PCDHGB3: variants seen among roughly 807,000 people sequenced by gnomAD.
The protein encoded by PCDHGB3 is protocadherin gamma subfamily B, 3, also known as protocadherin gamma-B3.
In PCDHGB3, 40 loss-of-function variants were observed where a neutral mutation model predicts 59.2. The ratio of observed to expected loss-of-function variants is 0.68; its 90% CI spans 0.52 to 0.88. The LOEUF (loss-of-function observed/expected upper bound fraction) is 0.88. PCDHGB3 is among the 40% of genes least tolerant of loss of function. The probability of loss-of-function intolerance (pLI) is 0.00; values close to 1 mark genes in which losing one functional copy is unlikely to be tolerated. For missense variants in PCDHGB3, 1,309 were observed against 1,187.9 expected, an observed-to-expected ratio of 1.10 and a Z score of -1.50; for synonymous variants, 581 against 503.6, an observed-to-expected ratio of 1.15 and a Z score of -2.06.
In PCDHGB3 at chr5:141,485,849, G is replaced by A. The variant is rs777288674; in HGVS notation, c.2416-8958G>A. ...AGGGAACCCGCCGAGATCTGGCACC[G>A]CAGAGCTCCGGGTATCCGTGCTGGA... On this transcript the variant is annotated intron_variant, in intron 1 of 3. Transcript: ENST00000576222. The surrounding 1 kb of genome is among the most constrained non-coding windows in gnomAD (Gnocchi z 5.7). 3 of 1,614,130 alleles carry A rather than the reference G, an allele frequency of 1.9e-6. No individual in the cohort carries two copies. In the South Asian group the frequency reaches 3.3e-5, roughly 18 times the overall value.
chr5:141,440,564 A>G (rs531383065), intron 1 of PCDHGB3: 1 of 152,248 alleles, frequency 6.6e-6, no homozygotes, highest in Admixed American at 6.5e-5. Context: ...TAAGTTACGT[A>G]TCTCTGAGTT....
At position 141,422,108 on chromosome 5, in the gene PCDHGB3, A is replaced by G. The variant is rs766617894; in HGVS notation, c.2415+49299A>G. 4.4e-6 allele frequency: 7 copies of G among 1,606,984 alleles called. No homozygotes were observed. In the East Asian group the frequency reaches 1.6e-4, roughly 36 times the overall value. ...GAAAGCAAGGCTTCTGAAATATTCCAATTGGATTCACAAACTGGAGAAGTT... is the reference window on the plus strand; with the variant it reads ...GAAAGCAAGGCTTCTGAAATATTCCGATTGGATTCACAAACTGGAGAAGTT... On this transcript the variant is annotated intron_variant, in intron 1 of 3. Transcript: ENST00000576222.
intron 1 of PCDHGB3, chr5:141,413,070 T>C: frequency 8.4e-7 from 1 of 1,195,132 alleles, no homozygotes; most frequent in African/African-American, 1.5e-5. Context: ...GAATTTAAAG[T>C]GCCCAGGCTA....
chr5:141,477,794 C>G lies in PCDHGB3; in HGVS notation c.2416-17013C>G, dbSNP rs148942362. The G allele has an allele frequency of 6.2e-7, 1 of 1,614,086 alleles. No individual in the cohort carries two copies. The highest frequency in any genetic ancestry group is 1.1e-5 in the South Asian group (1 of 91,082). On this transcript the variant is annotated intron_variant, in intron 1 of 3. Transcript: ENST00000576222. This position sits in a 1 kb window ranked among gnomAD's most constrained non-coding sequence, Gnocchi z 4.9. ...CAGCGTGAACATATTTGTCACTGAT[C>G]GCAATGACAATGCCCCCCAGGTCCT...
At chr5:141,394,621 G>C (rs1231814252) in intron 1 of PCDHGB3, 1 of 1,613,408 alleles carries the variant, frequency 6.2e-7, no homozygotes, top group African/African-American at 1.3e-5. Flanking sequence ...CAGAACGCCT[G>C]GCTGTCCTAC....
chr5:141,414,134 A>G, intron 1 of PCDHGB3: 1 of 1,595,028 alleles, frequency 6.3e-7, no homozygotes, highest in Non-Finnish European at 8.5e-7. Flanking sequence ...GGTTTCTATG[A>G]AATAGAAATA....
intron 1 of PCDHGB3, chr5:141,413,750 G>T (rs1325273363): frequency 6.2e-7 from 1 of 1,612,538 alleles, no homozygotes; most frequent in African/African-American, 1.3e-5. Flanking sequence ...CGTGCCAATG[G>T]CGTCAAGTAC....
chr5:141,401,761 A>T (rs2094191513), intron 1 of PCDHGB3, among the ~76,000 whole-genome samples: 1 of 152,210 alleles, frequency 6.6e-6, no homozygotes, highest in African/African-American at 2.4e-5. Flanking sequence ...ATTACATGGT[A>T]TAAGTCTTTT....
chr5:141,428,168 C>A, intron 1 of PCDHGB3: 1 of 1,551,608 alleles, frequency 6.4e-7, no homozygotes, highest in Non-Finnish European at 8.8e-7. Context: ...GGTTGCTGTG[C>A]GTGACGGAGG....
intron 2 of PCDHGB3, among the ~76,000 whole-genome samples, chr5:141,501,821 G>A (rs910825533): frequency 1.3e-5 from 2 of 152,028 alleles, no homozygotes; most frequent in Non-Finnish European, 2.9e-5. Context: ...ATAATTGGCA[G>A]CCCACCCACC....
intron 1 of PCDHGB3, chr5:141,403,462 C>A: frequency 6.2e-7 from 1 of 1,614,050 alleles, no homozygotes; most frequent in South Asian, 1.1e-5. Flanking sequence ...TCCAGAGCTA[C>A]CAGCTCAGCC....
chr5:141,455,928 C>T (rs1160778812), intron 1 of PCDHGB3, among the ~76,000 whole-genome samples: 3 of 151,158 alleles, frequency 2.0e-5, no homozygotes, highest in African/African-American at 4.9e-5. Context: ...GACGGAGTCT[C>T]GCTCTGTCGC....
rs1554116833 is a variant in PCDHGB3, at chr5:141,423,756, G to GGT, written c.2415+50948_2415+50949insTG. 2.2e-4 allele frequency: 100 copies of GGT among 448,536 alleles called. 2 individuals carry two copies. The highest frequency in any genetic ancestry group is 2.1e-3 in the African/African-American group (74 of 35,668). The allele number at this position is 448,536 out of a possible 1,614,324, so 27.8% of individuals were successfully genotyped here. On this transcript the variant is annotated intron_variant, in intron 1 of 3. Coordinates refer to ENST00000576222, the MANE Select transcript of PCDHGB3 (RefSeq NM_018924.5). ...GCCTGTTATGAAAACTGTTTGGGGG[G>GGT]GGGGTGGGGCGGCATATATTTAGTT...
intron 1 of PCDHGB3, chr5:141,427,003 T>C: frequency 2.2e-6 from 1 of 456,764 alleles, no homozygotes; most frequent in South Asian, 1.5e-5. Flanking sequence ...GCCCCAGTTT[T>C]TAGCCAGGAT....
chr5:141,415,182 C>T (rs2095840318), intron 1 of PCDHGB3: 2 of 1,613,842 alleles, frequency 1.2e-6, no homozygotes, highest in Non-Finnish European at 1.7e-6. Flanking sequence ...TGGCCGTGGC[C>T]GACAGCATCC....
intron 1 of PCDHGB3, among the ~76,000 whole-genome samples, chr5:141,447,123 T>TTTTG (rs1327676720): frequency 6.6e-6 from 1 of 152,160 alleles, no homozygotes; most frequent in Admixed American, 6.6e-5. Context: ...CCATGGATTT[T>TTTTG]TTTGTTTGTT....
chr5:141,450,556 G>A lies in PCDHGB3; in HGVS notation c.2416-44251G>A, dbSNP rs534127421. Among the ~76,000 whole-genome samples, 5 of 151,822 alleles carry A rather than the reference G, an allele frequency of 3.3e-5. 1 individual carries two copies. Among genetic ancestry groups the A allele is most frequent in the South Asian group, 2.1e-4 (1 of 4,804 alleles). On this transcript the variant is annotated intron_variant, in intron 1 of 3. Transcript: ENST00000576222. ...GGCTGGAATGCAGTGGCGCAGTCTCGGCTCACTGCAACTTCTGCCTCCCAG... is the reference window on the plus strand; with the variant it reads ...GGCTGGAATGCAGTGGCGCAGTCTCAGCTCACTGCAACTTCTGCCTCCCAG...
chr5:141,502,084 G>A (rs1438350526), intron 2 of PCDHGB3, among the ~76,000 whole-genome samples: 1 of 152,154 alleles, frequency 6.6e-6, no homozygotes, highest in African/African-American at 2.4e-5. Context: ...CTGGGGCTGA[G>A]AACACCTGGC....
intron 1 of PCDHGB3, among the ~76,000 whole-genome samples, chr5:141,452,947 G>C (rs2098752833): frequency 6.6e-6 from 1 of 152,144 alleles, no homozygotes; most frequent in Non-Finnish European, 1.5e-5. Flanking sequence ...GCTTGCAATT[G>C]GTTGTCTTTA....
Sources: allele counts gnomAD v4.1 joint callset (sites outside exome capture counted in the v4.1 genomes callset), GRCh38; gene constraint gnomAD v4.1.1; non-coding constraint Gnocchi (gnomAD v3.1); transcripts MANE v1.5; gene names NCBI Gene and HGNC (gene_info 2026-07-23, HGNC 2026-07-21).